STARD13: variants seen among roughly 807,000 people sequenced by gnomAD.
The protein encoded by STARD13 is StAR related lipid transfer domain containing 13, also known as stAR-related lipid transfer protein 13.
Under a neutral mutation model 106.4 loss-of-function variants are expected in STARD13, and 62 were observed. The ratio of observed to expected loss-of-function variants is 0.58; its 90% CI spans 0.48 to 0.72. The LOEUF (loss-of-function observed/expected upper bound fraction) is 0.72. Among genes scored for constraint, STARD13 ranks in the 30% least tolerant of loss-of-function variants. The probability of loss-of-function intolerance (pLI) is 0.00; values close to 1 mark genes in which losing one functional copy is unlikely to be tolerated. For synonymous variants in STARD13, 565 were observed against 553.0 expected (o/e 1.02, Z -0.31); for missense variants, 1,387 against 1,424.0 (o/e 0.97, Z 0.42).
chr13:33,501,078 CTTTT>C, the STARD13 span, among the ~76,000 whole-genome samples: 5 of 94,094 alleles, frequency 5.3e-5, no homozygotes, highest in South Asian at 3.6e-4. Flanking sequence ...TCTCTCTCTC[CTTTT>C]TTTTTTTTTT....
chr13:33,635,232 A>G, the STARD13 span, among the ~76,000 whole-genome samples: 2 of 151,378 alleles, frequency 1.3e-5, no homozygotes, highest in East Asian at 3.9e-4. Context: ...AGAGCAGGGC[A>G]CTGACCATAG....
chr13:33,499,604 TTTCTTCTTCTTCTTCTTCTTCTTC>T, the STARD13 span, among the ~76,000 whole-genome samples: 819 of 39,744 alleles, frequency 0.021, 97 homozygotes, highest in African/African-American at 0.063. Context: ...CTTCTTCTTC[TTTCTTCTTCTTCTTCTTCTTCTTC>T]TTCTTCTTCT....
intron 1 of STARD13, among the ~76,000 whole-genome samples, chr13:33,341,376 AGCCT>A (rs1003371626): frequency 5.3e-5 from 8 of 152,094 alleles, no homozygotes; most frequent in African/African-American, 1.7e-4. Flanking sequence ...CGGTGCCTCA[AGCCT>A]GTAATCCCAG....
At chr13:33,324,442 T>A (rs1231179294) in intron 1 of STARD13, among the ~76,000 whole-genome samples, 3 of 152,228 alleles carry the variant, frequency 2.0e-5, no homozygotes, top group Admixed American at 2.0e-4. Flanking sequence ...AAGTTCTAAA[T>A]GGATTTTGTA....
the STARD13 span, among the ~76,000 whole-genome samples, chr13:33,549,917 A>G: frequency 6.6e-6 from 1 of 152,142 alleles, no homozygotes; most frequent in Admixed American, 6.5e-5. Flanking sequence ...TGTATTCCAA[A>G]CATGGGCATT....
the STARD13 span, among the ~76,000 whole-genome samples, chr13:33,400,936 G>A: frequency 4.6e-5 from 7 of 152,302 alleles, no homozygotes; most frequent in African/African-American, 1.2e-4. Context: ...ATGTCAAAAC[G>A]ACTCAGGAGC....
the STARD13 span, among the ~76,000 whole-genome samples, chr13:33,597,460 T>A: frequency 6.6e-6 from 1 of 152,148 alleles, no homozygotes; most frequent in Non-Finnish European, 1.5e-5. Flanking sequence ...CATTCTTGGT[T>A]AACAGAATTA....
intron 3 of STARD13, among the ~76,000 whole-genome samples, chr13:33,160,645 A>G (rs1882507147): frequency 6.6e-6 from 1 of 152,216 alleles, no homozygotes; most frequent in South Asian, 2.1e-4. Context: ...GATATTTTAT[A>G]AAAGAAGACG....
the STARD13 span, among the ~76,000 whole-genome samples, chr13:33,532,044 T>A: frequency 7.2e-5 from 11 of 152,158 alleles, no homozygotes; most frequent in Middle Eastern, 3.2e-3. Context: ...TTAGCCTTCA[T>A]TTAGTCTTAG....
At chr13:33,228,283 T>C (rs1192388877) in intron 1 of STARD13, among the ~76,000 whole-genome samples, 1 of 152,210 alleles carries the variant, frequency 6.6e-6, no homozygotes, top group Non-Finnish European at 1.5e-5. Flanking sequence ...TACTCCCCCA[T>C]GTATTTCTTT....
At chr13:33,666,046 G>A in the STARD13 span, among the ~76,000 whole-genome samples, 1 of 152,170 alleles carries the variant, frequency 6.6e-6, no homozygotes, top group South Asian at 2.1e-4. Flanking sequence ...GCTAACATGA[G>A]ACTAGGCCAT....
At chr13:33,529,730 C>A in the STARD13 span, among the ~76,000 whole-genome samples, 2 of 152,068 alleles carry the variant, frequency 1.3e-5, no homozygotes, top group Non-Finnish European at 2.9e-5. Context: ...GAGGTGGTAA[C>A]CTTTAAACTA....
chr13:33,385,081 A>G, the STARD13 span, among the ~76,000 whole-genome samples: 6 of 148,996 alleles, frequency 4.0e-5, no homozygotes, highest in South Asian at 1.3e-3. Flanking sequence ...AATAGTTTCA[A>G]CACACCTTGG....
the STARD13 span, among the ~76,000 whole-genome samples, chr13:33,478,565 A>G: frequency 1.3e-5 from 2 of 152,136 alleles, no homozygotes; most frequent in Non-Finnish European, 2.9e-5. Context: ...CAATGTGTCC[A>G]ATGTTATCTA....
At chr13:33,500,079 T>C in the STARD13 span, among the ~76,000 whole-genome samples, 7 of 152,050 alleles carry the variant, frequency 4.6e-5, no homozygotes, top group Non-Finnish European at 8.8e-5. Context: ...ATACTAATCC[T>C]ATCATGAAAG....
chr13:33,512,442 T>G, the STARD13 span, among the ~76,000 whole-genome samples: 1 of 152,034 alleles, frequency 6.6e-6, no homozygotes, highest in Non-Finnish European at 1.5e-5. Flanking sequence ...GACAGGTGCT[T>G]TTTAAATTTA....
chr13:33,430,029 T>C, the STARD13 span, among the ~76,000 whole-genome samples: 1 of 151,956 alleles, frequency 6.6e-6, no homozygotes, highest in Admixed American at 6.6e-5. Context: ...GCCATTCTCC[T>C]GCCTCAGCCT....
At chr13:33,341,222 G>A (rs1156445000) in intron 1 of STARD13, among the ~76,000 whole-genome samples, 1 of 152,114 alleles carries the variant, frequency 6.6e-6, no homozygotes, top group Admixed American at 6.6e-5. Flanking sequence ...TATGTGCTTT[G>A]TTCAACATAA....
At chr13:33,559,886 T>C in the STARD13 span, among the ~76,000 whole-genome samples, 1 of 151,390 alleles carries the variant, frequency 6.6e-6, no homozygotes, top group East Asian at 1.9e-4. Flanking sequence ...TAGAGCTTCT[T>C]CTCTGCCATG....
Sources: gnomAD v4.1 joint callset for allele counts (sites outside exome capture counted in the v4.1 genomes callset) on GRCh38, gnomAD v4.1.1 for gene constraint, MANE v1.5 for transcripts, NCBI Gene and HGNC (gene_info 2026-07-23, HGNC 2026-07-21) for gene names.